The following PRPS2 variants were observed in gnomAD, a reference collection of about 807,000 sequenced individuals.
The protein encoded by PRPS2 is ribose-phosphate pyrophosphokinase 2.
For missense variants in PRPS2, 104 were observed against 271.5 expected, an observed-to-expected ratio of 0.38 and a Z score of 4.34; for synonymous variants, 111 against 115.3, an observed-to-expected ratio of 0.96 and a Z score of 0.24.
At chrX:12,822,672 CT>C (rs2042681858) in intron 6 of PRPS2, 31 bp from the exon 7 acceptor site, 1 of 1,153,823 alleles carries the variant, frequency 8.7e-7, no homozygotes, top group Admixed American at 2.2e-5. Context: ...TCCTGCTTCC[CT>C]TCTCCCTTTG....
At chrX:12,797,611 T>C (rs1416965112) in intron 1 of PRPS2, among the ~76,000 whole-genome samples, 2 of 112,004 alleles carry the variant, frequency 1.8e-5, no homozygotes. Context: ...ATGAAATTCA[T>C]GCTATGCTCA....
At chrX:12,809,178 A>G in intron 2 of PRPS2, 56 bp from the exon 3 acceptor site, 2 of 1,052,883 alleles carry the variant, frequency 1.9e-6, no homozygotes, top group Non-Finnish European at 2.6e-6. Flanking sequence ...TCTTAGTGGG[A>G]GGAATCTAAC....
intron 2 of PRPS2, among the ~76,000 whole-genome samples, chrX:12,808,949 A>G (rs966175585): frequency 8.9e-6 from 1 of 112,089 alleles, no homozygotes; most frequent in Non-Finnish European, 1.9e-5. Context: ...TTTCAGTTAC[A>G]CAGATTGTGA....
chrX:12,800,195 T>C (rs1354119326), intron 2 of PRPS2, among the ~76,000 whole-genome samples: 1 of 111,850 alleles, frequency 8.9e-6, no homozygotes, highest in Non-Finnish European at 1.9e-5. Flanking sequence ...AATCAAGGAA[T>C]GGGCAGGGGC....
intron 3 of PRPS2, 32 bp from the exon 4 acceptor site, chrX:12,809,990 C>T (rs1344725235): frequency 8.8e-6 from 10 of 1,134,443 alleles, no homozygotes; most frequent in African/African-American, 1.8e-5. Context: ...CAAAACAAAA[C>T]CCTGCAACAT....
At chrX:12,795,169 A>G (rs1486429118) in intron 1 of PRPS2, among the ~76,000 whole-genome samples, 1 of 111,201 alleles carries the variant, frequency 9.0e-6, no homozygotes, top group Non-Finnish European at 1.9e-5. Context: ...CATGATTACA[A>G]TGGGCCAATT....
chrX:12,801,506 G>A (rs1202364204), intron 2 of PRPS2, among the ~76,000 whole-genome samples: 1 of 112,025 alleles, frequency 8.9e-6, no homozygotes, highest in African/African-American at 3.2e-5. Flanking sequence ...CTTTCTCCTT[G>A]TCATATCACA....
At chrX:12,812,608 C>T (rs777003225) in intron 4 of PRPS2, among the ~76,000 whole-genome samples, 116 of 111,959 alleles carry the variant, frequency 1.0e-3, no homozygotes, top group African/African-American at 3.6e-3. Flanking sequence ...GCGTGGGTGA[C>T]AGGGCGAGAG....
chrX:12,792,306 G>A (rs191821679), intron 1 of PRPS2, among the ~76,000 whole-genome samples: 3 of 112,353 alleles, frequency 2.7e-5, no homozygotes, highest in Non-Finnish European at 5.6e-5. Context: ...TTGAAAGACT[G>A]TGAGAACCCC....
chrX:12,809,450 C>T (rs1006387087), intron 3 of PRPS2, 118 bp downstream of exon 3: 6 of 724,414 alleles, frequency 8.3e-6, no homozygotes, highest in Non-Finnish European at 8.1e-6. Context: ...TTTGTCTTTA[C>T]TAAACTTGAA....
intron 6 of PRPS2, 140 bp downstream of exon 6, chrX:12,820,943 A>G (rs779854088): frequency 1.4e-5 from 9 of 620,884 alleles, no homozygotes; most frequent in Non-Finnish European, 2.1e-5. Flanking sequence ...TGACGGCAGG[A>G]TATAAATCAT....
intron 4 of PRPS2, 137 bp downstream of exon 4, chrX:12,810,283 C>G: frequency 1.2e-6 from 1 of 804,355 alleles, no homozygotes; most frequent in Non-Finnish European, 1.8e-6. Context: ...AGACCGCAGG[C>G]TTCACTTCCA....
chrX:12,797,342 A>G (rs1444931722), intron 1 of PRPS2, among the ~76,000 whole-genome samples: 2 of 106,564 alleles, frequency 1.9e-5, no homozygotes. Flanking sequence ...TGGGCAACAG[A>G]GTGAGACTCT....
intron 2 of PRPS2, among the ~76,000 whole-genome samples, chrX:12,808,450 T>C (rs1436800939): frequency 8.9e-6 from 1 of 112,040 alleles, no homozygotes; most frequent in Non-Finnish European, 1.9e-5. Context: ...CATGTGTCTA[T>C]ATAATTTCTT....
Position 12,799,192 on chromosome X carries a change from G to A in PRPS2, c.123-15G>A. The stretch of plus-strand genomic sequence containing the variant: ...TATGCTTCGATATTAACCGATGGCA[G>A]TTTTCTTTTCCTAGCGTGGAGATTG... On this transcript the variant is annotated splice_polypyrimidine_tract_variant and intron_variant, in intron 1 of 6. Transcript: ENST00000380668. The A allele has an allele frequency of 8.3e-7, 1 of 1,208,338 alleles. No homozygotes were observed.
intron 4 of PRPS2, among the ~76,000 whole-genome samples, chrX:12,814,786 T>C (rs1248493568): frequency 8.9e-6 from 1 of 112,291 alleles, no homozygotes; most frequent in East Asian, 2.8e-4. Flanking sequence ...TAACTTTTTT[T>C]CTGATTACAT....
intron 6 of PRPS2, among the ~76,000 whole-genome samples, chrX:12,821,607 C>T (rs1444961794): frequency 1.8e-5 from 2 of 111,733 alleles, no homozygotes; most frequent in Admixed American, 1.9e-4. Flanking sequence ...GTTAAAATGG[C>T]AAATTTGATG....
chrX:12,813,229 A>G, intron 4 of PRPS2, among the ~76,000 whole-genome samples: 1 of 112,094 alleles, frequency 8.9e-6, no homozygotes, highest in Middle Eastern at 4.6e-3. Flanking sequence ...TGAAAAACTC[A>G]CTTGCTGTAT....
intron 4 of PRPS2, 74 bp downstream of exon 4, chrX:12,810,220 G>T: frequency 8.7e-7 from 1 of 1,154,874 alleles, no homozygotes; most frequent in Admixed American, 2.4e-5. Context: ...TATTAGATAA[G>T]GAAGCATGCT....
Sources: allele counts gnomAD v4.1 joint callset (sites outside exome capture counted in the v4.1 genomes callset), GRCh38; gene constraint gnomAD v4.1.1; transcripts MANE v1.5; gene names NCBI Gene and HGNC (gene_info 2026-07-23, HGNC 2026-07-21).